The following AFF3 variants were observed in gnomAD, a reference collection of about 807,000 sequenced individuals.
The protein encoded by AFF3 is AF4/FMR2 family member 3.
AFF3 carries 32 observed loss-of-function variants against 129.7 expected under a neutral mutation model. The observed-to-expected ratio is 0.25, with a 90% CI of 0.19 to 0.33. The LOEUF (loss-of-function observed/expected upper bound fraction) is 0.33. Among genes scored for constraint, AFF3 ranks in the 10% least tolerant of loss-of-function variants. The probability of loss-of-function intolerance (pLI) is 1.00; values close to 1 mark genes in which losing one functional copy is unlikely to be tolerated. For synonymous variants in AFF3, 644 were observed against 635.4 expected (o/e 1.01, Z -0.20); for missense variants, 1,373 against 1,592.0 (o/e 0.86, Z 2.34).
At chr2:99,907,052 T>A (rs942829354) in intron 7 of AFF3, among the ~76,000 whole-genome samples, 6 of 152,178 alleles carry the variant, frequency 3.9e-5, no homozygotes, top group Non-Finnish European at 8.8e-5. Context: ...GCCAGGCAAT[T>A]ACTGAATGAG....
intron 4 of AFF3, among the ~76,000 whole-genome samples, chr2:100,059,117 G>C (rs1300111808): frequency 6.6e-6 from 1 of 151,872 alleles, no homozygotes; most frequent in Non-Finnish European, 1.5e-5. Flanking sequence ...GCCAGGCTTG[G>C]TGGTGGGTGC....
At chr2:99,735,089 T>C (rs1446692249) in intron 10 of AFF3, among the ~76,000 whole-genome samples, 2 of 152,228 alleles carry the variant, frequency 1.3e-5, no homozygotes, top group African/African-American at 2.4e-5. Context: ...AAATTTCATA[T>C]AAAACATATA....
intron 8 of AFF3, among the ~76,000 whole-genome samples, chr2:99,793,378 A>C (rs544529330): frequency 1.3e-5 from 2 of 152,342 alleles, no homozygotes; most frequent in African/African-American, 4.8e-5. Context: ...TAAATTTCCC[A>C]GTCTCAGGCA....
intron 8 of AFF3, among the ~76,000 whole-genome samples, chr2:99,820,120 G>A (rs1390685915): frequency 2.6e-5 from 4 of 152,166 alleles, no homozygotes; most frequent in Non-Finnish European, 5.9e-5. Flanking sequence ...CTTGACAACA[G>A]GGATTCATTC....
intron 7 of AFF3, among the ~76,000 whole-genome samples, chr2:99,982,079 C>T (rs1679454117): frequency 6.6e-6 from 1 of 152,190 alleles, no homozygotes; most frequent in African/African-American, 2.4e-5. Flanking sequence ...AGAAGACACA[C>T]ACAAGCAAGC....
intron 4 of AFF3, among the ~76,000 whole-genome samples, chr2:100,009,757 A>G (rs1682341684): frequency 6.6e-6 from 1 of 152,232 alleles, no homozygotes; most frequent in African/African-American, 2.4e-5. Context: ...GGCTAATTCA[A>G]CTAGTGATGA....
chr2:99,701,158 G>A (rs988195398), intron 11 of AFF3, among the ~76,000 whole-genome samples: 3 of 152,092 alleles, frequency 2.0e-5, no homozygotes, highest in Non-Finnish European at 2.9e-5. Flanking sequence ...GGGTGTGGAC[G>A]TGGGTGTGTG....
At chr2:99,574,404 C>T (rs1251104581) in intron 18 of AFF3, among the ~76,000 whole-genome samples, 3 of 152,166 alleles carry the variant, frequency 2.0e-5, no homozygotes, top group Non-Finnish European at 4.4e-5. Context: ...TAACTGGTGC[C>T]TGTTTACAGG....
chr2:99,828,446 C>T (rs1688270394), intron 8 of AFF3, among the ~76,000 whole-genome samples: 1 of 152,160 alleles, frequency 6.6e-6, no homozygotes, highest in African/African-American at 2.4e-5. Context: ...AGAGAAGCAG[C>T]CTGGACTCCA....
At chr2:99,653,504 G>A (rs1685464481) in intron 12 of AFF3, among the ~76,000 whole-genome samples, 1 of 152,214 alleles carries the variant, frequency 6.6e-6, no homozygotes, top group Non-Finnish European at 1.5e-5. Context: ...CAGCTGGTCA[G>A]AAAATGATTT....
chr2:100,057,344 A>G (rs944471718), intron 4 of AFF3, among the ~76,000 whole-genome samples: 2 of 149,582 alleles, frequency 1.3e-5, no homozygotes, highest in African/African-American at 2.5e-5. Context: ...AAAAAAAAAA[A>G]CTCTAGCCAC....
chr2:99,892,681 C>T (rs1167511738), intron 7 of AFF3, among the ~76,000 whole-genome samples: 4 of 152,262 alleles, frequency 2.6e-5, no homozygotes, highest in African/African-American at 7.2e-5. Context: ...CTGCCCTGGA[C>T]GGCAGTTCCA....
At chr2:99,965,976 TTA>T (rs1677704284) in intron 7 of AFF3, among the ~76,000 whole-genome samples, 1 of 152,208 alleles carries the variant, frequency 6.6e-6, no homozygotes, top group Admixed American at 6.5e-5. Context: ...CATGAGATTT[TTA>T]TTTTGACTAG....
At chr2:100,070,989 T>G (rs1688139671) in intron 4 of AFF3, among the ~76,000 whole-genome samples, 1 of 152,192 alleles carries the variant, frequency 6.6e-6, no homozygotes, top group Non-Finnish European at 1.5e-5. Flanking sequence ...GTATTAAAAT[T>G]GCTGATAGGA....
At chr2:100,024,643 C>T (rs1318736905) in intron 4 of AFF3, among the ~76,000 whole-genome samples, 1 of 151,574 alleles carries the variant, frequency 6.6e-6, no homozygotes, top group Non-Finnish European at 1.5e-5. Context: ...TATTATAAAA[C>T]AAAAATAATT....
intron 8 of AFF3, among the ~76,000 whole-genome samples, chr2:99,765,949 G>C (rs1390371447): frequency 6.6e-6 from 1 of 152,228 alleles, no homozygotes; most frequent in Non-Finnish European, 1.5e-5. Context: ...CAAAGGGATA[G>C]TTACTAGAAA....
intron 11 of AFF3, among the ~76,000 whole-genome samples, chr2:99,701,352 G>C (rs1258071279): frequency 6.6e-6 from 1 of 152,226 alleles, no homozygotes; most frequent in Admixed American, 6.5e-5. Flanking sequence ...CTTCCTGCTA[G>C]AGGCCTGAAG....
At chr2:100,004,555 G>C (rs545137371) in intron 7 of AFF3, among the ~76,000 whole-genome samples, 1 of 152,098 alleles carries the variant, frequency 6.6e-6, no homozygotes, top group East Asian at 1.9e-4. Context: ...CAAAGTACTG[G>C]GATTACAGGA....
chr2:99,722,840 C>G (rs965191241), intron 11 of AFF3, among the ~76,000 whole-genome samples: 1 of 152,094 alleles, frequency 6.6e-6, no homozygotes, highest in African/African-American at 2.4e-5. Flanking sequence ...TAAACTCTAT[C>G]CCCTGACACC....
Sources: gnomAD v4.1 joint callset for allele counts (sites outside exome capture counted in the v4.1 genomes callset) on GRCh38, gnomAD v4.1.1 for gene constraint, MANE v1.5 for transcripts, NCBI Gene and HGNC (gene_info 2026-07-23, HGNC 2026-07-21) for gene names.